The following CCDC171 variants were observed in gnomAD, a reference collection of about 807,000 sequenced individuals.
The protein encoded by CCDC171 is coiled-coil domain containing 171, also known as coiled-coil domain-containing protein 171.
In CCDC171, 177 loss-of-function variants were observed where a neutral mutation model predicts 168.2. The ratio of observed to expected loss-of-function variants is 1.05; its 90% CI spans 0.93 to 1.19. The LOEUF (loss-of-function observed/expected upper bound fraction) is 1.19, where lower values mean the gene tolerates loss of function less well. CCDC171 is among the 50% of genes most tolerant of loss of function. CCDC171 has a pLI of 0.00. For missense variants in CCDC171, 1,991 were observed against 1,539.0 expected, an observed-to-expected ratio of 1.29 and a Z score of -4.91; for synonymous variants, 687 against 540.8, an observed-to-expected ratio of 1.27 and a Z score of -3.75.
At chr9:15,921,415 AT>A (rs1467755339) in intron 25 of CCDC171, among the ~76,000 whole-genome samples, 2 of 151,048 alleles carry the variant, frequency 1.3e-5, no homozygotes, top group South Asian at 2.1e-4. Flanking sequence ...CACCTTTCTT[AT>A]TTTTTTCCCC....
intron 6 of CCDC171, among the ~76,000 whole-genome samples, chr9:15,610,392 A>G (rs1389995191): frequency 1.5e-5 from 2 of 135,150 alleles, no homozygotes; most frequent in Non-Finnish European, 3.1e-5. Flanking sequence ...GGATCACCTG[A>G]GATCAGGAGT....
intron 7 of CCDC171, among the ~76,000 whole-genome samples, chr9:15,625,509 G>A (rs2044992994): frequency 6.6e-6 from 1 of 152,134 alleles, no homozygotes; most frequent in African/African-American, 2.4e-5. Flanking sequence ...TGTAAGGAAG[G>A]GATCCAGTTT....
rs116512914 is a variant in CCDC171, at chr9:15,723,349, C to A, written c.1426-332C>A. Among the ~76,000 whole-genome samples the A allele has an allele frequency of 5.3e-3, 800 of 152,142 alleles. 9 individuals carry two copies. Among genetic ancestry groups the A allele is most frequent in the African/African-American group, 0.018 (751 of 41,508 alleles). On this transcript the variant is annotated intron_variant, in intron 12 of 25. Transcript: ENST00000380701. ...TGCCCCTGCTTCTGGCATTTTGGTC[C>A]AGTAGGATTTTAAGAATAAAGTTGT...
At chr9:15,866,746 A>G (rs905731688) in intron 23 of CCDC171, among the ~76,000 whole-genome samples, 10 of 152,164 alleles carry the variant, frequency 6.6e-5, no homozygotes, top group African/African-American at 2.4e-4. Context: ...GACATTATAG[A>G]TAAATGGGAA....
At chr9:15,803,292 T>A (rs1171025915) in intron 21 of CCDC171, among the ~76,000 whole-genome samples, 4 of 152,212 alleles carry the variant, frequency 2.6e-5, no homozygotes, top group Non-Finnish European at 4.4e-5. Flanking sequence ...TTTGCTTTTG[T>A]TGCAATTGCT....
chr9:16,040,507 A>G (rs1354977636), upstream of CCDC171, among the ~76,000 whole-genome samples: 2 of 152,030 alleles, frequency 1.3e-5, no homozygotes, highest in South Asian at 2.1e-4. Context: ...ATGCTGCCCC[A>G]TAGGTGACCT....
intron 25 of CCDC171, among the ~76,000 whole-genome samples, chr9:15,951,030 C>G (rs1191372246): frequency 6.7e-6 from 1 of 149,614 alleles, no homozygotes. Flanking sequence ...ACAAAGAAGG[C>G]CATTACATAA....
intron 1 of CCDC171, among the ~76,000 whole-genome samples, chr9:15,554,990 C>G (rs888269204): frequency 6.6e-6 from 1 of 152,044 alleles, no homozygotes; most frequent in African/African-American, 2.4e-5. Flanking sequence ...CTCGTTTTTC[C>G]TCTGATCTGT....
the CCDC171 span, among the ~76,000 whole-genome samples, chr9:16,103,941 A>G: frequency 7.2e-5 from 11 of 152,242 alleles, no homozygotes; most frequent in Non-Finnish European, 1.2e-4. Context: ...GAATAGATCA[A>G]TTTACAGCTC....
intron 3 of CCDC171, among the ~76,000 whole-genome samples, chr9:15,997,189 A>T (rs1026681146): frequency 2.6e-5 from 4 of 152,188 alleles, no homozygotes; most frequent in Admixed American, 1.3e-4. Flanking sequence ...GAAGGAGTGG[A>T]CAGAGAGAGA....
intron 24 of CCDC171, among the ~76,000 whole-genome samples, chr9:15,917,916 C>T (rs955917436): frequency 4.0e-5 from 6 of 151,636 alleles, no homozygotes; most frequent in African/African-American, 1.2e-4. Context: ...CTAAGAACCA[C>T]ATATTTCAGA....
chr9:15,616,359 C>T (rs1169365587), intron 6 of CCDC171, among the ~76,000 whole-genome samples: 1 of 152,130 alleles, frequency 6.6e-6, no homozygotes, highest in African/African-American at 2.4e-5. Flanking sequence ...GCTGGGATTA[C>T]AGGAGTGAGC....
chr9:15,882,167 G>C (rs1278364557), intron 24 of CCDC171, among the ~76,000 whole-genome samples: 1 of 152,088 alleles, frequency 6.6e-6, no homozygotes, highest in Non-Finnish European at 1.5e-5. Context: ...TTGTGGTTTT[G>C]ATTTGCATTT....
intron 17 of CCDC171, 84 bp from the exon 18 acceptor site, chr9:15,745,431 A>G (rs2055198492): frequency 4.0e-6 from 3 of 758,364 alleles, no homozygotes; most frequent in Non-Finnish European, 4.1e-6. Context: ...TGTTTCTTAA[A>G]TAGCTGAACA....
intron 11 of CCDC171, among the ~76,000 whole-genome samples, chr9:15,714,197 A>G (rs1327970211): frequency 6.6e-6 from 1 of 152,188 alleles, no homozygotes; most frequent in Non-Finnish European, 1.5e-5. Context: ...TTTAAAAGGC[A>G]GTAATCTCTA....
intron 3 of CCDC171, among the ~76,000 whole-genome samples, chr9:15,573,859 G>A (rs10962081): frequency 1.3e-5 from 2 of 151,798 alleles, no homozygotes; most frequent in South Asian, 2.1e-4. Flanking sequence ...CCGGGAGTTC[G>A]AGACCAGCCT....
chr9:15,719,911 T>A (rs567200008), intron 11 of CCDC171, among the ~76,000 whole-genome samples: 38 of 152,206 alleles, frequency 2.5e-4, no homozygotes, highest in Admixed American at 5.9e-4. Context: ...AGTTTAAAAA[T>A]ATATATTTGA....
At chr9:15,937,088 A>G (rs1827204496) in intron 25 of CCDC171, among the ~76,000 whole-genome samples, 1 of 152,088 alleles carries the variant, frequency 6.6e-6, no homozygotes, top group Non-Finnish European at 1.5e-5. Context: ...TGACTGACAT[A>G]AGAATTAATT....
intron 3 of CCDC171, among the ~76,000 whole-genome samples, chr9:15,987,697 A>C (rs1832038305): frequency 6.6e-6 from 1 of 152,236 alleles, no homozygotes; most frequent in African/African-American, 2.4e-5. Context: ...TATTTCCAAA[A>C]TACAGGTTGA....
Sources: gnomAD v4.1 joint callset for allele counts (sites outside exome capture counted in the v4.1 genomes callset) on GRCh38, gnomAD v4.1.1 for gene constraint, MANE v1.5 for transcripts, NCBI Gene and HGNC (gene_info 2026-07-23, HGNC 2026-07-21) for gene names.